Variants in MALRD1 observed in about 807,000 individuals in gnomAD.
The protein encoded by MALRD1 is MAM and LDL receptor class A domain containing 1.
A neutral mutation model predicts 242.1 loss-of-function variants in MALRD1; 247 were observed. That is an observed-to-expected ratio of 1.02 (90% CI 0.92 to 1.13). The LOEUF (loss-of-function observed/expected upper bound fraction) is 1.13. MALRD1 is among the 50% of genes most tolerant of loss of function. The probability of loss-of-function intolerance (pLI) is 0.00; values close to 1 mark genes in which losing one functional copy is unlikely to be tolerated. For missense variants in MALRD1, 2,989 were observed against 2,533.1 expected (o/e 1.18, Z -3.86); for synonymous variants, 995 against 866.6 (o/e 1.15, Z -2.60).
chr10:19,636,047 C>T (rs950935331), intron 36 of MALRD1, among the ~76,000 whole-genome samples: 2 of 151,922 alleles, frequency 1.3e-5, no homozygotes, highest in Non-Finnish European at 2.9e-5. Flanking sequence ...ATTACAGACA[C>T]GCACCACCAC....
At chr10:19,318,233 G>A (rs1842779992) in intron 21 of MALRD1, among the ~76,000 whole-genome samples, 1 of 151,940 alleles carries the variant, frequency 6.6e-6, no homozygotes, top group Non-Finnish European at 1.5e-5. Flanking sequence ...TACATCATGT[G>A]CCCCTAATTA....
intron 32 of MALRD1, among the ~76,000 whole-genome samples, chr10:19,531,954 C>T (rs578247532): frequency 6.6e-6 from 1 of 152,186 alleles, no homozygotes; most frequent in Admixed American, 6.5e-5. Flanking sequence ...ATCAGCACAC[C>T]ACACCTAGTG....
chr10:19,677,597 T>C (rs1488465606), intron 36 of MALRD1, among the ~76,000 whole-genome samples: 3 of 152,148 alleles, frequency 2.0e-5, no homozygotes, highest in Admixed American at 6.6e-5. Flanking sequence ...GTTGCAAAAA[T>C]TTTCTCCCAT....
rs1268875646 is a variant in MALRD1 at position 19,108,610 on chromosome 10, G to T, written c.694+4535G>T. ...TTTGTATTTTTTTTAGTAGAGACGG[G>T]GTTTCACCTTGTTAGCCAGGATGGT... On this transcript the variant is annotated intron_variant, in intron 5 of 39. Transcript: ENST00000454679. 6.7e-5 allele frequency among the ~76,000 whole-genome samples: 3 copies of T among 44,562 alleles called. 1 individual carries two copies. The highest frequency in any genetic ancestry group is 1.1e-4 in the Non-Finnish European group (3 of 26,534). The allele number at this position is 44,562 out of a possible 152,430, so 29.2% of individuals were successfully genotyped here.
intron 36 of MALRD1, among the ~76,000 whole-genome samples, chr10:19,624,134 T>A (rs976604585): frequency 6.6e-6 from 1 of 151,028 alleles, no homozygotes; most frequent in South Asian, 2.1e-4. Flanking sequence ...TTCATTCACT[T>A]TGGGACCTAA....
intron 24 of MALRD1, among the ~76,000 whole-genome samples, chr10:19,337,137 TATAC>T (rs1443246213): frequency 2.0e-5 from 3 of 152,218 alleles, no homozygotes; most frequent in Middle Eastern, 3.4e-3. Context: ...TAAACTTTCA[TATAC>T]ATATGTGTGT....
At chr10:19,720,408 C>T (rs1397118845) in intron 38 of MALRD1, among the ~76,000 whole-genome samples, 1 of 152,164 alleles carries the variant, frequency 6.6e-6, no homozygotes, top group Non-Finnish European at 1.5e-5. Context: ...ATTACAGTAA[C>T]AGGATCCACA....
At chr10:19,584,114 T>A (rs1837272396) in intron 33 of MALRD1, among the ~76,000 whole-genome samples, 1 of 150,802 alleles carries the variant, frequency 6.6e-6, no homozygotes, top group Non-Finnish European at 1.5e-5. Flanking sequence ...TTCTTCTCTC[T>A]TTTTTTCTTT....
At chr10:19,189,613 C>T (rs557907436) in intron 14 of MALRD1, among the ~76,000 whole-genome samples, 1 of 151,930 alleles carries the variant, frequency 6.6e-6, no homozygotes, top group Non-Finnish European at 1.5e-5. Context: ...TACAACATGA[C>T]CAAGTGGGAT....
Position 19,204,005 on chromosome 10 carries a change from C to G in MALRD1, c.2104+125C>G, listed in dbSNP as rs1000735948. The stretch of plus-strand genomic sequence containing the variant: ...AAACAGTCAGATAGTTGAATATTGT[C>G]AATTACAGTTATGCTGTCTGCATGG... On this transcript the variant is annotated intron_variant, in intron 15 of 39. Coordinates refer to ENST00000454679, the MANE Select transcript of MALRD1 (RefSeq NM_001142308.3). 13 of 1,174,806 alleles carry G rather than the reference C, an allele frequency of 1.1e-5. No individual in the cohort carries two copies. In the Admixed American group the frequency reaches 2.2e-4, roughly 20 times the overall value. The allele number at this position is 1,174,806 out of a possible 1,614,324, so 72.8% of individuals were successfully genotyped here.
intron 21 of MALRD1, among the ~76,000 whole-genome samples, chr10:19,303,456 A>G (rs902730084): frequency 6.6e-6 from 1 of 151,802 alleles, no homozygotes; most frequent in African/African-American, 2.4e-5. Flanking sequence ...GGAGATGTTA[A>G]GACACTTTGC....
chr10:19,178,924 T>C (rs1363130162), intron 14 of MALRD1, among the ~76,000 whole-genome samples: 6 of 152,218 alleles, frequency 3.9e-5, no homozygotes, highest in African/African-American at 1.2e-4. Context: ...GAGCATTGTA[T>C]GATGAAGACA....
At chr10:19,166,298 C>A (rs544344550) in intron 13 of MALRD1, among the ~76,000 whole-genome samples, 1 of 152,200 alleles carries the variant, frequency 6.6e-6, no homozygotes, top group African/African-American at 2.4e-5. Flanking sequence ...AACTGGAGGA[C>A]ATTATACAAA....
In MALRD1 at chr10:19,350,798, G is replaced by C. The variant is rs536947851; in HGVS notation, c.4150-1208G>C. Among the ~76,000 whole-genome samples, 6 of 152,290 alleles carry C rather than the reference G, an allele frequency of 3.9e-5. No individual in the cohort carries two copies. In the South Asian group the frequency reaches 1.0e-3, roughly 26 times the overall value. ...AAGACAAACAAAAGGAGAAGTCCCT[G>C]TTTGTAGCTGCAAGGGGTCCTTGCA... On this transcript the variant is annotated intron_variant, in intron 25 of 39. Transcript: ENST00000454679.
chr10:19,535,175 C>T (rs1420860613), intron 32 of MALRD1, among the ~76,000 whole-genome samples: 3 of 152,074 alleles, frequency 2.0e-5, no homozygotes, highest in African/African-American at 7.2e-5. Flanking sequence ...TGAGCCACTG[C>T]GCCCGACCAA....
At chr10:19,141,642 G>C (rs1257770392) in intron 10 of MALRD1, among the ~76,000 whole-genome samples, 1 of 151,838 alleles carries the variant, frequency 6.6e-6, no homozygotes, top group African/African-American at 2.4e-5. Flanking sequence ...ACTTCACTGT[G>C]TTCCAGAAAA....
chr10:19,551,301 C>T (rs1835458914), intron 32 of MALRD1, among the ~76,000 whole-genome samples: 1 of 152,022 alleles, frequency 6.6e-6, no homozygotes, highest in Admixed American at 6.6e-5. Flanking sequence ...TTGTAATTTT[C>T]ATTGTAGAGA....
chr10:19,067,908 T>C (rs1341832786), intron 2 of MALRD1, among the ~76,000 whole-genome samples: 1 of 152,144 alleles, frequency 6.6e-6, no homozygotes, highest in East Asian at 1.9e-4. Context: ...TTGGCTTTAA[T>C]GTCAAAAATT....
At chr10:19,264,696 G>A (rs186855988) in intron 19 of MALRD1, among the ~76,000 whole-genome samples, 3 of 152,066 alleles carry the variant, frequency 2.0e-5, no homozygotes, top group East Asian at 1.9e-4. Flanking sequence ...CTCGTTATCC[G>A]CCTGCCTCGG....
Sources: allele counts gnomAD v4.1 joint callset (sites outside exome capture counted in the v4.1 genomes callset), GRCh38; gene constraint gnomAD v4.1.1; transcripts MANE v1.5; gene names NCBI Gene and HGNC (gene_info 2026-07-23, HGNC 2026-07-21).